The following PI4KA variants were observed in gnomAD, a reference collection of about 807,000 sequenced individuals.
PI4KA encodes the protein phosphatidylinositol 4-kinase alpha.
In PI4KA, 122 loss-of-function variants were observed where a neutral mutation model predicts 271.4. The ratio of observed to expected loss-of-function variants is 0.45; its 90% CI spans 0.39 to 0.52. PI4KA has a LOEUF of 0.52. Among genes scored for constraint, PI4KA ranks in the 20% least tolerant of loss-of-function variants. The probability of loss-of-function intolerance (pLI) is 0.00; values close to 1 mark genes in which losing one functional copy is unlikely to be tolerated. For synonymous variants in PI4KA, 1,041 were observed against 1,078.8 expected (o/e 0.96, Z 0.69); for missense variants, 1,969 against 2,769.1 (o/e 0.71, Z 6.48).
chr22:20,790,729 CACACACACACACAA>C (rs1934583009), intron 19 of PI4KA, among the ~76,000 whole-genome samples: 1 of 150,162 alleles, frequency 6.7e-6, no homozygotes, highest in African/African-American at 2.5e-5. Context: ...CACACACACA[CACACACACACACAA>C]CAAAAAAAAC....
At chr22:20,854,981 A>G (rs1009118443) in intron 1 of PI4KA, among the ~76,000 whole-genome samples, 6 of 152,054 alleles carry the variant, frequency 3.9e-5, no homozygotes, top group African/African-American at 1.4e-4. Context: ...GCGAAACCCC[A>G]TCTCTACTAA....
intron 19 of PI4KA, among the ~76,000 whole-genome samples, chr22:20,788,935 C>T (rs183570763): frequency 1.3e-5 from 2 of 152,290 alleles, no homozygotes; most frequent in Admixed American, 6.5e-5. Flanking sequence ...CTGTCCCATA[C>T]CCAGAAAGGC....
chr22:20,742,584 T>A, intron 31 of PI4KA, 24 bp downstream of exon 31: 1 of 1,613,312 alleles, frequency 6.2e-7, no homozygotes, highest in East Asian at 2.2e-5. Flanking sequence ...GAGCCCAGAA[T>A]TCCACAGTGC....
At chr22:20,756,949 A>C (rs1398867295) in intron 23 of PI4KA, among the ~76,000 whole-genome samples, 1 of 152,128 alleles carries the variant, frequency 6.6e-6, no homozygotes, top group Non-Finnish European at 1.5e-5. Flanking sequence ...TAAGATTTTT[A>C]CTTTAAAAAG....
intron 43 of PI4KA, among the ~76,000 whole-genome samples, chr22:20,720,763 A>C (rs1208303091): frequency 6.6e-6 from 1 of 152,202 alleles, no homozygotes; most frequent in Non-Finnish European, 1.5e-5. Context: ...CTCATTTTTT[A>C]GTTTTTTGGG....
In PI4KA at chr22:20,733,340, C is replaced by T. The variant is rs372170764; in HGVS notation, c.4161-242G>A. On this transcript the variant is annotated intron_variant, in intron 35 of 54. Coordinates refer to ENST00000255882, the MANE Select transcript of PI4KA (RefSeq NM_058004.4). ...CCCCTACAGCTTTCCACTGAAGCTG[C>T]ACTTGTGGCAGATCAGGGCAAGGAA... is the stretch of plus-strand genomic sequence containing the variant. 0.067 allele frequency among the ~76,000 whole-genome samples: 9,985 copies of T among 148,400 alleles called. 329 individuals are homozygous for T. The highest frequency in any genetic ancestry group is 0.078 in the East Asian group (394 of 5,064).
intron 9 of PI4KA, 39 bp from the exon 10 acceptor site, chr22:20,807,497 A>C: frequency 8.2e-7 from 1 of 1,221,340 alleles, no homozygotes; most frequent in Non-Finnish European, 1.2e-6. Context: ...TAGAACAGAA[A>C]TGCCCTTCTG....
chr22:20,755,646 CAA>C (rs1451863499), intron 23 of PI4KA, among the ~76,000 whole-genome samples: 1 of 151,800 alleles, frequency 6.6e-6, no homozygotes, highest in East Asian at 1.9e-4. Context: ...ACTAAAAATA[CAA>C]AAATTAGCTG....
intron 2 of PI4KA, among the ~76,000 whole-genome samples, chr22:20,837,516 A>T (rs1925014524): frequency 1.3e-5 from 2 of 152,318 alleles, no homozygotes; most frequent in South Asian, 2.1e-4. Flanking sequence ...TTTCCAATGT[A>T]CAAATACTGT....
rs1929597151 is a variant in PI4KA at position 20,742,606 on chromosome 22, AC to A, written c.3613+1del. 1 of 1,613,978 alleles carries A rather than the reference AC, an allele frequency of 6.2e-7. No homozygotes were observed. On this transcript the variant is annotated splice_donor_variant, in intron 31 of 54. Transcript: ENST00000255882. LOFTEE classifies it high-confidence loss of function. The stretch of plus-strand genomic sequence containing the variant: ...GAATTCCACAGTGCTTCAGTGAGTT[AC>A]CTTTACTGCTAATGAGCATTGCGGT...
Position 20,714,882 on chromosome 22 carries a change from G to T in PI4KA, c.5318-182C>A, listed in dbSNP as rs570783233. On this transcript the variant is annotated intron_variant, in intron 45 of 54. Transcript: ENST00000255882. ...ATTATTCCATGGCCGCTAAGGGTCCGTCCTCCTTGACTCTTCGACTCTTCC... is the reference window on the plus strand; with the variant it reads ...ATTATTCCATGGCCGCTAAGGGTCCTTCCTCCTTGACTCTTCGACTCTTCC... 5.3e-5 allele frequency among the ~76,000 whole-genome samples: 8 copies of T among 152,292 alleles called. No homozygotes were observed. In the East Asian group the frequency reaches 1.4e-3, roughly 26 times the overall value.
intron 7 of PI4KA, among the ~76,000 whole-genome samples, chr22:20,817,120 A>G (rs551885011): frequency 5.3e-5 from 8 of 152,190 alleles, no homozygotes; most frequent in Non-Finnish European, 1.0e-4. Context: ...AACCTGTTAC[A>G]TTCTCACAGA....
At chr22:20,785,636 G>T (rs966770082) in intron 19 of PI4KA, among the ~76,000 whole-genome samples, 1 of 151,842 alleles carries the variant, frequency 6.6e-6, no homozygotes, top group African/African-American at 2.4e-5. Flanking sequence ...CCAGATATTC[G>T]ACTCCTTAAT....
At chr22:20,786,482 C>T (rs544067050) in intron 19 of PI4KA, among the ~76,000 whole-genome samples, 1 of 152,304 alleles carries the variant, frequency 6.6e-6, no homozygotes, top group South Asian at 2.1e-4. Context: ...CATTAAACAC[C>T]GCACTATACA....
At position 20,801,447 on chromosome 22, in the gene PI4KA, T is replaced by C. The variant is rs147544381; in HGVS notation, c.1724+526A>G. Among the ~76,000 whole-genome samples the C allele has an allele frequency of 6.3e-3, 952 of 150,700 alleles. 8 individuals are homozygous for C. Among genetic ancestry groups the C allele is most frequent in the African/African-American group, 0.021 (872 of 40,906 alleles). ...AAAAATATAAAAAATTAGCCAAGAA[T>C]GGTGGTGTGTGCCTGTAATCCCAGC... is the stretch of plus-strand genomic sequence containing the variant. On this transcript the variant is annotated intron_variant, in intron 14 of 54. Coordinates refer to ENST00000255882, the MANE Select transcript of PI4KA (RefSeq NM_058004.4).
At chr22:20,806,611 G>A (rs1935667316) in intron 10 of PI4KA, among the ~76,000 whole-genome samples, 1 of 151,950 alleles carries the variant, frequency 6.6e-6, no homozygotes, top group Non-Finnish European at 1.5e-5. Flanking sequence ...GGCAGAAGTT[G>A]CAGTGACCCC....
At chr22:20,757,829 C>G (rs1477470348) in intron 23 of PI4KA, among the ~76,000 whole-genome samples, 1 of 152,164 alleles carries the variant, frequency 6.6e-6, no homozygotes. Flanking sequence ...CAGGCGTGAG[C>G]TACCGCACCC....
intron 4 of PI4KA, 34 bp from the exon 5 acceptor site, chr22:20,820,645 A>G (rs1922537816): frequency 7.2e-7 from 1 of 1,394,746 alleles, no homozygotes; most frequent in Non-Finnish European, 1.0e-6. Context: ...AAAAAAAAAC[A>G]TAAACAAAAT....
Position 20,712,255 on chromosome 22 carries a change from C to T in PI4KA, c.5802+231G>A, listed in dbSNP as rs57853869. The T allele has an allele frequency of 1.5e-3, 462 of 315,412 alleles. 1 individual carries two copies. The highest frequency in any genetic ancestry group is 9.7e-3 in the African/African-American group (427 of 44,152). 19.5% of individuals were successfully genotyped at this position (315,412 alleles called of 1,614,324 possible). On this transcript the variant is annotated intron_variant, in intron 50 of 54. Transcript: ENST00000255882. ...GTATTTTTAGTAGAGACAGGGTTCA[C>T]CATTTTGGCCAGGATGGTTTTGATC...
Sources: gnomAD v4.1 joint callset for allele counts (sites outside exome capture counted in the v4.1 genomes callset) on GRCh38, gnomAD v4.1.1 for gene constraint, MANE v1.5 for transcripts, NCBI Gene and HGNC (gene_info 2026-07-23, HGNC 2026-07-21) for gene names.